The following MACROD2 variants were observed in gnomAD, a reference collection of about 807,000 sequenced individuals.
The protein encoded by MACROD2 is ADP-ribose glycohydrolase MACROD2.
MACROD2 carries 36 observed loss-of-function variants against 70.4 expected under a neutral mutation model. The ratio of observed to expected loss-of-function variants is 0.51; its 90% confidence interval spans 0.39 to 0.68. The LOEUF is 0.68. Ranked by LOEUF, MACROD2 falls within the 30% of genes least tolerant of loss-of-function variation. The probability of loss-of-function intolerance (pLI) is 0.00; values close to 1 mark genes in which losing one functional copy is unlikely to be tolerated. For missense variants in MACROD2, 496 were observed against 538.4 expected (o/e 0.92, Z 0.78); for synonymous variants, 172 against 178.8 (o/e 0.96, Z 0.30).
At chr20:14,382,205 GC>G (rs2083428135) in intron 3 of MACROD2, among the ~76,000 whole-genome samples, 1 of 151,806 alleles carries the variant, frequency 6.6e-6, no homozygotes, top group Admixed American at 6.6e-5. Flanking sequence ...GGGACTGCAG[GC>G]ATCCCTGCCA....
chr20:14,526,487 A>T (rs543965767), intron 4 of MACROD2, among the ~76,000 whole-genome samples: 1 of 152,338 alleles, frequency 6.6e-6, no homozygotes, highest in East Asian at 1.9e-4. Flanking sequence ...TCCCTTAAAA[A>T]TTAATAAATA....
At chr20:15,980,487 C>T (rs1331542234) in intron 13 of MACROD2, among the ~76,000 whole-genome samples, 2 of 152,018 alleles carry the variant, frequency 1.3e-5, no homozygotes, top group Non-Finnish European at 2.9e-5. Context: ...ACTAAGGTAG[C>T]GATGAAGATT....
chr20:15,015,928 A>C (rs919405839), intron 5 of MACROD2, among the ~76,000 whole-genome samples: 6 of 152,214 alleles, frequency 3.9e-5, no homozygotes, highest in African/African-American at 1.4e-4. Context: ...ACCAGACATA[A>C]AGAGCTCTAA....
At chr20:16,008,225 CT>C (rs1555807391) in intron 15 of MACROD2, among the ~76,000 whole-genome samples, 1 of 152,204 alleles carries the variant, frequency 6.6e-6, no homozygotes, top group Non-Finnish European at 1.5e-5. Context: ...GCCCCCTATA[CT>C]GTCTTCTGGT....
intron 7 of MACROD2, among the ~76,000 whole-genome samples, chr20:15,464,060 T>G (rs968348923): frequency 2.0e-5 from 3 of 152,218 alleles, no homozygotes; most frequent in Admixed American, 6.5e-5. Flanking sequence ...TTGTTTGTTT[T>G]TTTCCAGAAA....
At chr20:15,354,641 AT>A (rs1216255061) in intron 6 of MACROD2, among the ~76,000 whole-genome samples, 1 of 150,610 alleles carries the variant, frequency 6.6e-6, no homozygotes, top group Non-Finnish European at 1.5e-5. Context: ...TTAAATGTAA[AT>A]TTTAAAAAAG....
chr20:14,711,118 G>A (rs1182802898), intron 5 of MACROD2, among the ~76,000 whole-genome samples: 1 of 152,198 alleles, frequency 6.6e-6, no homozygotes, highest in African/African-American at 2.4e-5. Flanking sequence ...GCTTAGACTT[G>A]TTTGTGCTCT....
chr20:14,369,773 T>C (rs1433167496), intron 3 of MACROD2, among the ~76,000 whole-genome samples: 3 of 152,214 alleles, frequency 2.0e-5, no homozygotes, highest in African/African-American at 7.2e-5. Flanking sequence ...AGGTCTTCTC[T>C]TTACTTCATG....
chr20:14,278,145 C>G (rs915790504), intron 3 of MACROD2, among the ~76,000 whole-genome samples: 1 of 152,204 alleles, frequency 6.6e-6, no homozygotes, highest in Non-Finnish European at 1.5e-5. Flanking sequence ...AACAGTGAAT[C>G]TTTATTAGCT....
intron 5 of MACROD2, among the ~76,000 whole-genome samples, chr20:14,819,383 GAAA>G (rs142838363): frequency 3.9e-5 from 4 of 103,220 alleles, no homozygotes; most frequent in African/African-American, 9.4e-5. Context: ...GTATTGATAA[GAAA>G]AAAAAAAAAA....
At chr20:14,411,069 G>A (rs550624915) in intron 3 of MACROD2, among the ~76,000 whole-genome samples, 10 of 152,260 alleles carry the variant, frequency 6.6e-5, no homozygotes, top group South Asian at 6.2e-4. Context: ...TTGAGAGAGT[G>A]TATTGATCTT....
intron 5 of MACROD2, among the ~76,000 whole-genome samples, chr20:14,790,482 C>T (rs2072437105): frequency 2.0e-5 from 3 of 151,896 alleles, no homozygotes; most frequent in Non-Finnish European, 4.4e-5. Context: ...GAAGTTGTTC[C>T]GTTTTATAAA....
chr20:15,533,544 G>GTCGCTCT (rs1156269262), intron 8 of MACROD2, among the ~76,000 whole-genome samples: 1 of 141,066 alleles, frequency 7.1e-6, no homozygotes, highest in Non-Finnish European at 1.6e-5. Flanking sequence ...TGTCTCTGTC[G>GTCGCTCT]CTCTCTCTCT....
At chr20:15,848,026 A>G (rs2064253021) in intron 8 of MACROD2, among the ~76,000 whole-genome samples, 1 of 152,210 alleles carries the variant, frequency 6.6e-6, no homozygotes, top group Non-Finnish European at 1.5e-5. Context: ...TTCAATAGCT[A>G]TTAATTGTTT....
intron 8 of MACROD2, among the ~76,000 whole-genome samples, chr20:15,823,099 G>C (rs906042346): frequency 6.6e-6 from 1 of 152,114 alleles, no homozygotes; most frequent in Non-Finnish European, 1.5e-5. Context: ...ATAAATGTTT[G>C]CTTGGGCATT....
intron 6 of MACROD2, among the ~76,000 whole-genome samples, chr20:15,256,426 T>A (rs1364428186): frequency 6.6e-6 from 1 of 151,964 alleles, no homozygotes; most frequent in East Asian, 1.9e-4. Context: ...GTGGAATACA[T>A]GGAAGATAAA....
intron 5 of MACROD2, among the ~76,000 whole-genome samples, chr20:14,737,851 C>G (rs2071686236): frequency 6.6e-6 from 1 of 151,836 alleles, no homozygotes; most frequent in Non-Finnish European, 1.5e-5. Flanking sequence ...GGATATTAGC[C>G]CTTTGTCAGA....
chr20:14,154,753 G>A (rs541200810), intron 3 of MACROD2, among the ~76,000 whole-genome samples: 2 of 152,080 alleles, frequency 1.3e-5, no homozygotes, highest in East Asian at 3.9e-4. Flanking sequence ...CTCTGCTGTA[G>A]TTCCTGGAAA....
chr20:14,675,578 C>T (rs1299604559), intron 4 of MACROD2, among the ~76,000 whole-genome samples: 4 of 152,088 alleles, frequency 2.6e-5, no homozygotes, highest in Non-Finnish European at 5.9e-5. Context: ...AAGGAAAAAT[C>T]GGTACCAGCC....
Sources: allele counts gnomAD v4.1 joint callset (sites outside exome capture counted in the v4.1 genomes callset), GRCh38; gene constraint gnomAD v4.1.1; transcripts MANE v1.5; gene names NCBI Gene and HGNC (gene_info 2026-07-23, HGNC 2026-07-21).